PUDP: variants seen among roughly 807,000 people sequenced by gnomAD.
PUDP encodes the protein pseudouridine 5'-phosphatase.
In PUDP, 8 loss-of-function variants were observed where a neutral mutation model predicts 9.4. The ratio of observed to expected loss-of-function variants is 0.85; its 90% CI spans 0.50 to 1.53. The LOEUF (loss-of-function observed/expected upper bound fraction) is 1.53. PUDP is among the 40% of genes most tolerant of loss of function. The pLI, the probability that PUDP is intolerant of heterozygous loss-of-function variation, is 0.00. For missense variants in PUDP, 188 were observed against 189.7 expected (o/e 0.99, Z 0.05); for synonymous variants, 99 against 80.7 (o/e 1.23, Z -1.22).
intron 3 of PUDP, among the ~76,000 whole-genome samples, chrX:6,854,512 G>A (rs762989500): frequency 1.8e-5 from 2 of 111,679 alleles, no homozygotes; most frequent in South Asian, 3.7e-4. Context: ...CCAACTCCCC[G>A]TTTAGTCAAA....
chrX:6,723,739 G>A (rs1228363087), upstream of PUDP, among the ~76,000 whole-genome samples: 1 of 111,068 alleles, frequency 9.0e-6, no homozygotes, highest in Non-Finnish European at 1.9e-5. Flanking sequence ...GATTTGGAAA[G>A]ATAGATTCTC....
chrX:7,148,072 G>T lies in PUDP; in HGVS notation c.42C>A (p.Asp14Glu). ...PPQPVTHLIF[D>E]MDGLLLDTER... ...ACCCACCCAGAAGAAGTCCGTCCATGTCAAAGATGAGGTGGGTGACGGGCT... is the reference window on the plus strand; with the variant it reads ...ACCCACCCAGAAGAAGTCCGTCCATTTCAAAGATGAGGTGGGTGACGGGCT... Residue 14 changes from aspartate (D) to glutamate (E), a missense_variant, in exon 1 of 4, where the codon GAC becomes GAA. Asp to Glu is a conservative substitution (Grantham distance 45). Coordinates refer to ENST00000381077, the MANE Select transcript of PUDP (RefSeq NM_012080.5). The T allele has an allele frequency of 8.8e-7, 1 of 1,139,014 alleles. No individual in the cohort carries two copies. The highest frequency in any genetic ancestry group is 1.2e-6 in the Non-Finnish European group (1 of 857,790). The allele number at this position is 1,139,014 out of a possible 1,213,427, so 93.9% of individuals were successfully genotyped here.
chrX:6,743,242 G>T (rs896017369), intron 3 of PUDP, among the ~76,000 whole-genome samples: 2 of 112,164 alleles, frequency 1.8e-5, no homozygotes, highest in African/African-American at 6.5e-5. Flanking sequence ...ATAAGACGTG[G>T]TTGTCTGAGG....
chrX:6,740,092 C>A (rs771722886), intron 3 of PUDP, among the ~76,000 whole-genome samples: 2 of 111,528 alleles, frequency 1.8e-5, no homozygotes, highest in Non-Finnish European at 3.8e-5. Flanking sequence ...CTGGTTTGCC[C>A]AATACTGTCA....
At chrX:7,114,692 C>A (rs537811464) in intron 1 of PUDP, among the ~76,000 whole-genome samples, 5 of 111,981 alleles carry the variant, frequency 4.5e-5, no homozygotes, top group Middle Eastern at 9.3e-3. Flanking sequence ...AATGTGTGCT[C>A]AAGTGGAGGG....
At chrX:6,972,655 G>A (rs1027694314) in intron 3 of PUDP, among the ~76,000 whole-genome samples, 5 of 111,902 alleles carry the variant, frequency 4.5e-5, no homozygotes, top group Non-Finnish European at 9.4e-5. Context: ...CAGGGGTATT[G>A]GCCTGAAATT....
At chrX:7,106,648 CT>C (rs1931892796) in intron 1 of PUDP, among the ~76,000 whole-genome samples, 3 of 111,483 alleles carry the variant, frequency 2.7e-5, no homozygotes, top group African/African-American at 9.8e-5. Context: ...AAGAATACTA[CT>C]GAGGATGCTA....
chrX:6,738,984 A>G (rs910840732), intron 3 of PUDP, among the ~76,000 whole-genome samples: 2 of 111,820 alleles, frequency 1.8e-5, no homozygotes, highest in Admixed American at 9.5e-5. Context: ...GATAGAGTAC[A>G]AACACCTGCG....
intron 1 of PUDP, among the ~76,000 whole-genome samples, chrX:6,982,508 C>T (rs922535125): frequency 1.8e-5 from 2 of 110,745 alleles, no homozygotes; most frequent in African/African-American, 6.6e-5. Flanking sequence ...GGTTGAGTCA[C>T]GGGTCCAGGT....
intron 3 of PUDP, among the ~76,000 whole-genome samples, chrX:6,739,040 G>A (rs901833806): frequency 3.6e-5 from 4 of 111,532 alleles, no homozygotes; most frequent in African/African-American, 1.3e-4. Context: ...AGTAGCTAGT[G>A]AGGGGGACAA....
At chrX:6,945,742 C>T (rs1928455105) in intron 3 of PUDP, among the ~76,000 whole-genome samples, 1 of 111,279 alleles carries the variant, frequency 9.0e-6, no homozygotes, top group South Asian at 3.8e-4. Context: ...AAAAGCAAAT[C>T]ATAAAGTTGT....
At chrX:7,125,319 C>A (rs1244044737) in intron 1 of PUDP, among the ~76,000 whole-genome samples, 5 of 111,920 alleles carry the variant, frequency 4.5e-5, no homozygotes, top group Non-Finnish European at 9.4e-5. Flanking sequence ...TGGCAATAAT[C>A]TAAATTCTTT....
At chrX:7,069,832 ATGT>A (rs1228507683) in intron 3 of PUDP, among the ~76,000 whole-genome samples, 1 of 111,447 alleles carries the variant, frequency 9.0e-6, no homozygotes, top group African/African-American at 3.3e-5. Flanking sequence ...GCCCCAAAAG[ATGT>A]TGTTATAAAA....
At chrX:6,767,765 C>T (rs1925303377) in intron 3 of PUDP, among the ~76,000 whole-genome samples, 1 of 112,221 alleles carries the variant, frequency 8.9e-6, no homozygotes, top group Non-Finnish European at 1.9e-5. Flanking sequence ...CTTTAAGAAA[C>T]TTTGCATTGA....
intron 3 of PUDP, among the ~76,000 whole-genome samples, chrX:6,756,144 G>C (rs1372374420): frequency 9.0e-6 from 1 of 110,753 alleles, no homozygotes; most frequent in African/African-American, 3.3e-5. Context: ...AAAAAGGTGG[G>C]GAAAAGAGTT....
intron 3 of PUDP, among the ~76,000 whole-genome samples, chrX:6,887,984 A>T (rs1346925149): frequency 1.8e-5 from 2 of 111,685 alleles, no homozygotes; most frequent in Non-Finnish European, 3.8e-5. Context: ...AAACCACAGG[A>T]ACGAAGTTAG....
At chrX:7,007,536 A>G (rs1929418274) in intron 1 of PUDP, among the ~76,000 whole-genome samples, 1 of 112,735 alleles carries the variant, frequency 8.9e-6, no homozygotes, top group Non-Finnish European at 1.9e-5. Context: ...TTGGGACAAT[A>G]TAGCTCAGTG....
chrX:6,751,574 A>G (rs1182417609), intron 3 of PUDP, among the ~76,000 whole-genome samples: 1 of 111,840 alleles, frequency 8.9e-6, no homozygotes, highest in Non-Finnish European at 1.9e-5. Flanking sequence ...GCAGGTAGCC[A>G]CAATCCTATT....
intron 1 of PUDP, among the ~76,000 whole-genome samples, chrX:6,997,728 AAGTCAGGCAGAGGG>A (rs1399902957): frequency 1.8e-5 from 2 of 112,043 alleles, no homozygotes; most frequent in East Asian, 5.6e-4. Context: ...TGCCACAGAG[AAGTCAGGCAGAGGG>A]AGTTGAGAGA....
Sources: allele counts gnomAD v4.1 joint callset (sites outside exome capture counted in the v4.1 genomes callset), GRCh38; gene constraint gnomAD v4.1.1; transcripts MANE v1.5; gene names NCBI Gene and HGNC (gene_info 2026-07-23, HGNC 2026-07-21).